The following COTL1 variants were observed in gnomAD, a reference collection of about 807,000 sequenced individuals.
COTL1 encodes coactosin-like protein.
Under a neutral mutation model 16.5 loss-of-function variants are expected in COTL1, and 15 were observed. That is an observed-to-expected ratio of 0.91 (90% CI 0.61 to 1.40). The LOEUF (loss-of-function observed/expected upper bound fraction) is 1.40, where lower values mean the gene tolerates loss of function less well. COTL1 is among the 40% of genes most tolerant of loss of function. The pLI, the probability that COTL1 is intolerant of heterozygous loss-of-function variation, is 0.00. For missense variants in COTL1, 220 were observed against 201.5 expected (o/e 1.09, Z -0.56); for synonymous variants, 112 against 85.3 (o/e 1.31, Z -1.73).
intron 2 of COTL1, among the ~76,000 whole-genome samples, chr16:84,612,294 A>G (rs113731706): frequency 4.6e-5 from 7 of 152,168 alleles, no homozygotes; most frequent in African/African-American, 1.7e-4. Context: ...CAAACCTTGA[A>G]CTACTGAGCT....
intron 3 of COTL1, among the ~76,000 whole-genome samples, chr16:84,569,923 A>G (rs1433412347): frequency 6.6e-6 from 1 of 152,250 alleles, no homozygotes; most frequent in African/African-American, 2.4e-5. Context: ...ATGGCAATCT[A>G]CAGAAATAAG....
intron 3 of COTL1, among the ~76,000 whole-genome samples, chr16:84,586,069 A>G (rs1904724975): frequency 6.6e-6 from 1 of 152,186 alleles, no homozygotes; most frequent in South Asian, 2.1e-4. Context: ...ATTGACGGAC[A>G]CTGAGGAAAG....
At chr16:84,571,502 C>T (rs529988506) in intron 3 of COTL1, among the ~76,000 whole-genome samples, 7 of 152,116 alleles carry the variant, frequency 4.6e-5, no homozygotes, top group South Asian at 2.1e-4. Flanking sequence ...CACCTGGGTC[C>T]GCTCATCTCT....
intron 3 of COTL1, among the ~76,000 whole-genome samples, chr16:84,589,613 G>C (rs1429263): frequency 6.6e-6 from 1 of 152,024 alleles, no homozygotes; most frequent in Non-Finnish European, 1.5e-5. Flanking sequence ...CGTGTTACCC[G>C]TACCCCAAGT....
At chr16:84,609,021 G>C (rs1252152364) in intron 2 of COTL1, among the ~76,000 whole-genome samples, 3 of 152,216 alleles carry the variant, frequency 2.0e-5, no homozygotes, top group Admixed American at 2.0e-4. Flanking sequence ...ACTGCCCAAA[G>C]CCCTGTCACA....
intron 2 of COTL1, among the ~76,000 whole-genome samples, chr16:84,598,808 G>T (rs1032475039): frequency 8.1e-6 from 1 of 122,908 alleles, no homozygotes; most frequent in Non-Finnish European, 1.8e-5. Context: ...GGGCGGCGGG[G>T]ACCAAGCGGC....
chr16:84,567,013 G>C (rs1247180402), intron 3 of COTL1, 58 bp from the exon 4 acceptor site: 3 of 1,239,346 alleles, frequency 2.4e-6, no homozygotes, highest in Admixed American at 1.7e-5. Context: ...CAGGATGTGA[G>C]GGTGGCTCAG....
intron 2 of COTL1, among the ~76,000 whole-genome samples, chr16:84,602,508 T>C (rs895695317): frequency 2.0e-5 from 3 of 152,090 alleles, no homozygotes; most frequent in African/African-American, 7.2e-5. Context: ...CAGGAACGAA[T>C]GGATATGGAC....
intron 3 of COTL1, 138 bp downstream of exon 3, chr16:84,589,967 T>A: frequency 1.3e-6 from 1 of 758,482 alleles, no homozygotes; most frequent in Non-Finnish European, 2.1e-6. Flanking sequence ...ATGGCTTTAC[T>A]GGTGCAGAGA....
At chr16:84,615,607 C>G (rs1037233515) in intron 2 of COTL1, among the ~76,000 whole-genome samples, 5 of 152,160 alleles carry the variant, frequency 3.3e-5, no homozygotes, top group Admixed American at 3.3e-4. Context: ...TCAGAGCCGG[C>G]AAAGCAGAAA....
intron 1 of COTL1, 89 bp downstream of exon 1, chr16:84,617,749 G>A (rs1905535695): frequency 1.4e-6 from 2 of 1,421,798 alleles, no homozygotes; most frequent in Non-Finnish European, 1.9e-6. Flanking sequence ...CGGGAGGCCC[G>A]AATCCGTCCC....
chr16:84,568,208 G>C (rs1442061251), intron 3 of COTL1: 1 of 152,170 alleles, frequency 6.6e-6, no homozygotes, highest in Non-Finnish European at 1.5e-5. Flanking sequence ...ACATTGGCCA[G>C]GCTGGTCTCA....
chr16:84,608,914 A>G (rs1278114035), intron 2 of COTL1, among the ~76,000 whole-genome samples: 1 of 152,196 alleles, frequency 6.6e-6, no homozygotes, highest in East Asian at 1.9e-4. Context: ...CAAAAATTAA[A>G]TTAAATTAAA....
At chr16:84,583,313 C>T (rs1271037011) in intron 3 of COTL1, among the ~76,000 whole-genome samples, 1 of 152,186 alleles carries the variant, frequency 6.6e-6, no homozygotes, top group Non-Finnish European at 1.5e-5. Context: ...CACAGAGTGT[C>T]AGGCACATAG....
chr16:84,598,868 T>G (rs1905059673), intron 2 of COTL1, among the ~76,000 whole-genome samples: 2 of 147,966 alleles, frequency 1.4e-5, no homozygotes. Context: ...TCGGGGGTGA[T>G]CAGGCTGGAG....
At chr16:84,587,884 G>A (rs930045812) in intron 3 of COTL1, among the ~76,000 whole-genome samples, 1 of 151,966 alleles carries the variant, frequency 6.6e-6, no homozygotes, top group Non-Finnish European at 1.5e-5. Flanking sequence ...AGATTCTCCT[G>A]TCTCAGCCTC....
intron 2 of COTL1, among the ~76,000 whole-genome samples, chr16:84,604,574 G>A (rs991677460): frequency 2.6e-5 from 4 of 151,952 alleles, no homozygotes; most frequent in African/African-American, 4.8e-5. Context: ...TGTGTTGGGG[G>A]GATGAGTGAC....
At chr16:84,591,781 G>A (rs981841889) in intron 2 of COTL1, among the ~76,000 whole-genome samples, 7 of 148,876 alleles carry the variant, frequency 4.7e-5, no homozygotes, top group South Asian at 2.1e-4. Flanking sequence ...TAGAGATTAC[G>A]CCACTGTACT....
At chr16:84,612,167 G>A (rs1255022126) in intron 2 of COTL1, among the ~76,000 whole-genome samples, 1 of 152,164 alleles carries the variant, frequency 6.6e-6, no homozygotes, top group African/African-American at 2.4e-5. Flanking sequence ...GCAGCATAAG[G>A]ACTTGCTTCC....
Sources: allele counts gnomAD v4.1 joint callset (sites outside exome capture counted in the v4.1 genomes callset), GRCh38; gene constraint gnomAD v4.1.1; transcripts MANE v1.5; gene names NCBI Gene and HGNC (gene_info 2026-07-23, HGNC 2026-07-21).